KCNT2: variants seen among roughly 807,000 people sequenced by gnomAD.
KCNT2 encodes potassium sodium-activated channel subfamily T member 2.
Under a neutral mutation model 153.8 loss-of-function variants are expected in KCNT2, and 67 were observed. The observed-to-expected ratio is 0.44, with a 90% CI of 0.36 to 0.53. The LOEUF is 0.53. Among genes scored for constraint, KCNT2 ranks in the 20% least tolerant of loss-of-function variants. The probability of loss-of-function intolerance (pLI) is 0.00; values close to 1 mark genes in which losing one functional copy is unlikely to be tolerated. For synonymous variants in KCNT2, 500 were observed against 458.8 expected, an observed-to-expected ratio of 1.09 and a Z score of -1.15; for missense variants, 975 against 1,354.8, an observed-to-expected ratio of 0.72 and a Z score of 4.40.
intron 20 of KCNT2, among the ~76,000 whole-genome samples, chr1:196,316,947 G>A (rs1368236104): frequency 1.3e-5 from 2 of 151,708 alleles, no homozygotes; most frequent in African/African-American, 4.8e-5. Flanking sequence ...GATAAGAAAA[G>A]ATAGGTTAAT....
intron 7 of KCNT2, among the ~76,000 whole-genome samples, chr1:196,465,930 G>A (rs1331671723): frequency 6.6e-6 from 1 of 151,782 alleles, no homozygotes; most frequent in Non-Finnish European, 1.5e-5. Flanking sequence ...GCCATTATTT[G>A]TGTACCACTC....
intron 1 of KCNT2, among the ~76,000 whole-genome samples, chr1:196,523,653 A>C (rs980886539): frequency 1.3e-5 from 2 of 152,082 alleles, no homozygotes; most frequent in Non-Finnish European, 2.9e-5. Context: ...TTCAAGAAAA[A>C]CTTCTATTGG....
At chr1:196,463,563 A>G (rs1170624419) in intron 8 of KCNT2, among the ~76,000 whole-genome samples, 1 of 151,748 alleles carries the variant, frequency 6.6e-6, no homozygotes, top group East Asian at 1.9e-4. Flanking sequence ...ATTAGATAAC[A>G]TCTCAAAACC....
intron 1 of KCNT2, among the ~76,000 whole-genome samples, chr1:196,599,583 G>C (rs1664480506): frequency 6.6e-6 from 1 of 152,182 alleles, no homozygotes; most frequent in Non-Finnish European, 1.5e-5. Context: ...AATTGCAGTA[G>C]TGCTAAGACT....
Position 196,396,895 on chromosome 1 carries a change from G to A in KCNT2, c.1294+1668C>T, listed in dbSNP as rs561820681. ...GATCTCTCGATGGAAGCATACCAAC[G>A]GCGTGCTAAAGGGAGAAAGAACTGA... is the stretch of plus-strand genomic sequence containing the variant. On this transcript the variant is annotated intron_variant, in intron 13 of 27. Transcript: ENST00000294725. Among the ~76,000 whole-genome samples the A allele has an allele frequency of 4.6e-5, 7 of 150,784 alleles. No homozygotes were observed. In the South Asian group the frequency reaches 6.3e-4, roughly 14 times the overall value.
chr1:196,374,062 G>C (rs1488972702), intron 13 of KCNT2, among the ~76,000 whole-genome samples: 1 of 151,806 alleles, frequency 6.6e-6, no homozygotes, highest in Non-Finnish European at 1.5e-5. Flanking sequence ...TACAGAAGTC[G>C]TGTTTTTAAA....
chr1:196,258,781 G>A (rs1656741846), intron 25 of KCNT2: 2 of 348,384 alleles, frequency 5.7e-6, no homozygotes, highest in Non-Finnish European at 1.1e-5. Context: ...AGCATACATA[G>A]TTATTTATGA....
chr1:196,323,982 A>G (rs1380723201), intron 19 of KCNT2, among the ~76,000 whole-genome samples: 1 of 151,728 alleles, frequency 6.6e-6, no homozygotes, highest in Non-Finnish European at 1.5e-5. Context: ...AAAAAAAAGA[A>G]TTGCATAAAA....
chr1:196,345,618 A>T (rs1666075547), intron 14 of KCNT2, among the ~76,000 whole-genome samples: 1 of 152,184 alleles, frequency 6.6e-6, no homozygotes, highest in Admixed American at 6.6e-5. Context: ...ATTTTATAAA[A>T]TCCCTCTGGT....
At chr1:196,513,454 C>T (rs1034432407) in intron 1 of KCNT2, among the ~76,000 whole-genome samples, 14 of 152,196 alleles carry the variant, frequency 9.2e-5, no homozygotes, top group African/African-American at 3.4e-4. Context: ...ATGCATGCTT[C>T]TGATTTGCTG....
chr1:196,439,603 A>G (rs1204154300), intron 8 of KCNT2, among the ~76,000 whole-genome samples: 3 of 152,018 alleles, frequency 2.0e-5, no homozygotes, highest in Non-Finnish European at 4.4e-5. Context: ...AAAGTAAGAA[A>G]TACTACAGAA....
chr1:196,451,807 G>C (rs1052737940), intron 8 of KCNT2, among the ~76,000 whole-genome samples: 2 of 151,394 alleles, frequency 1.3e-5, no homozygotes, highest in Admixed American at 6.6e-5. Flanking sequence ...CTTTTACTTT[G>C]TTGTTACTCA....
rs186328619 is a variant in KCNT2 at position 196,395,071 on chromosome 1, T to C, written c.1294+3492A>G. On this transcript the variant is annotated intron_variant, in intron 13 of 27. Coordinates refer to ENST00000294725, the MANE Select transcript of KCNT2 (RefSeq NM_198503.5). ...ACATTCATTAAAATTATGATATGGT[T>C]ATTCTCTTTTAACATAATGATCTAT... Among the ~76,000 whole-genome samples, 802 of 151,496 alleles carry C rather than the reference T, an allele frequency of 5.3e-3. 4 individuals carry two copies. The highest frequency in any genetic ancestry group is 0.018 in the African/African-American group (761 of 41,446).
At chr1:196,284,447 A>G (rs890918972) in intron 23 of KCNT2, among the ~76,000 whole-genome samples, 3 of 150,566 alleles carry the variant, frequency 2.0e-5, no homozygotes, top group African/African-American at 7.3e-5. Flanking sequence ...CTTATACATG[A>G]GATTTCCTTA....
intron 14 of KCNT2, among the ~76,000 whole-genome samples, chr1:196,349,249 T>C (rs1666409343): frequency 6.6e-6 from 1 of 152,192 alleles, no homozygotes; most frequent in African/African-American, 2.4e-5. Flanking sequence ...TCCGTGACTT[T>C]GTAGCCTTCA....
chr1:196,345,280 A>C, intron 14 of KCNT2, among the ~76,000 whole-genome samples: 1 of 152,192 alleles, frequency 6.6e-6, no homozygotes, highest in East Asian at 1.9e-4. Flanking sequence ...GTAGAATAAA[A>C]TGTAAATAGT....
intron 1 of KCNT2, among the ~76,000 whole-genome samples, chr1:196,492,866 C>G (rs1679961633): frequency 6.6e-6 from 1 of 152,130 alleles, no homozygotes; most frequent in African/African-American, 2.4e-5. Flanking sequence ...GGACACCACA[C>G]TCTGTAACAC....
intron 22 of KCNT2, among the ~76,000 whole-genome samples, chr1:196,291,338 C>G (rs929822251): frequency 3.3e-5 from 5 of 151,444 alleles, no homozygotes; most frequent in Admixed American, 1.3e-4. Context: ...ACTTTCCTTA[C>G]AGAGAGGAAA....
intron 1 of KCNT2, among the ~76,000 whole-genome samples, chr1:196,531,480 C>A (rs75885561): frequency 5.8e-4 from 88 of 152,064 alleles, no homozygotes; most frequent in African/African-American, 2.0e-3. Context: ...GGTAACGGCT[C>A]CTACTTTCTA....
Sources: allele counts gnomAD v4.1 joint callset (sites outside exome capture counted in the v4.1 genomes callset), GRCh38; gene constraint gnomAD v4.1.1; transcripts MANE v1.5; gene names NCBI Gene and HGNC (gene_info 2026-07-23, HGNC 2026-07-21).